Variants in TLL1 observed in about 807,000 individuals in gnomAD.
The protein encoded by TLL1 is tolloid like 1.
A neutral mutation model predicts 128.2 loss-of-function variants in TLL1; 49 were observed. The observed-to-expected ratio is 0.38, with a 90% CI of 0.30 to 0.48. TLL1 has a LOEUF of 0.48. Ranked by LOEUF, TLL1 falls within the 20% of genes least tolerant of loss-of-function variation. The probability of loss-of-function intolerance (pLI) is 0.96; values close to 1 mark genes in which losing one functional copy is unlikely to be tolerated. For synonymous variants in TLL1, 454 were observed against 418.8 expected, an observed-to-expected ratio of 1.08 and a Z score of -1.03; for missense variants, 1,123 against 1,242.0, an observed-to-expected ratio of 0.90 and a Z score of 1.44.
At chr4:166,067,494 A>G (rs530208188) in intron 16 of TLL1, among the ~76,000 whole-genome samples, 6 of 151,858 alleles carry the variant, frequency 4.0e-5, no homozygotes, top group African/African-American at 1.2e-4. Flanking sequence ...CCACATGAGC[A>G]TATATGGTCT....
chr4:165,922,137 T>C (rs1165654328), intron 1 of TLL1, among the ~76,000 whole-genome samples: 1 of 152,132 alleles, frequency 6.6e-6, no homozygotes, highest in Non-Finnish European at 1.5e-5. Context: ...CCAGTTGACC[T>C]ATGCCAAGAA....
chr4:165,890,085 C>T (rs1386404103), intron 1 of TLL1, among the ~76,000 whole-genome samples: 3 of 152,034 alleles, frequency 2.0e-5, no homozygotes, highest in Admixed American at 2.0e-4. Context: ...AAGGAGAAGT[C>T]CAGAGCAAAA....
chr4:166,053,700 A>G (rs1186556447), intron 12 of TLL1, among the ~76,000 whole-genome samples: 2 of 152,176 alleles, frequency 1.3e-5, no homozygotes, highest in Non-Finnish European at 2.9e-5. Flanking sequence ...TTGCAGTTCC[A>G]TGGACATTCC....
At chr4:166,012,611 T>C (rs1012766667) in intron 7 of TLL1, among the ~76,000 whole-genome samples, 1 of 151,720 alleles carries the variant, frequency 6.6e-6, no homozygotes, top group Admixed American at 6.6e-5. Flanking sequence ...TGGGTTTATG[T>C]AATTAATGTA....
intron 14 of TLL1, among the ~76,000 whole-genome samples, chr4:166,057,934 A>G (rs1345386292): frequency 6.6e-6 from 1 of 152,136 alleles, no homozygotes; most frequent in Admixed American, 6.6e-5. Context: ...GACACAGCCA[A>G]ACCATTTCAC....
intron 14 of TLL1, among the ~76,000 whole-genome samples, chr4:166,058,861 A>T (rs977433822): frequency 2.6e-5 from 4 of 152,144 alleles, no homozygotes. Flanking sequence ...AGGGGAAAGA[A>T]TTATTTGCTT....
intron 1 of TLL1, among the ~76,000 whole-genome samples, chr4:165,936,168 ATAAT>A (rs1733748510): frequency 6.7e-6 from 1 of 149,714 alleles, no homozygotes; most frequent in African/African-American, 2.4e-5. Context: ...TATAATTAAA[ATAAT>A]TAGAAATTCA....
At chr4:165,886,156 G>A (rs1731156159) in intron 1 of TLL1, among the ~76,000 whole-genome samples, 1 of 152,002 alleles carries the variant, frequency 6.6e-6, no homozygotes, top group Non-Finnish European at 1.5e-5. Flanking sequence ...AATGAATCTA[G>A]GTAGTGTAAT....
chr4:165,921,680 A>C (rs1024912763), intron 1 of TLL1, among the ~76,000 whole-genome samples: 9 of 152,216 alleles, frequency 5.9e-5, no homozygotes, highest in African/African-American at 1.7e-4. Flanking sequence ...GTTCTAAGCC[A>C]CTGGACCAGA....
intron 17 of TLL1, among the ~76,000 whole-genome samples, chr4:166,077,229 T>TAAAAA (rs34063206): frequency 3.4e-5 from 5 of 145,928 alleles, no homozygotes; most frequent in African/African-American, 1.3e-4. Flanking sequence ...ATTTTAATTG[T>TAAAAA]AAAAAAAAAA....
chr4:165,956,931 C>T (rs1035630152), intron 1 of TLL1, among the ~76,000 whole-genome samples: 7 of 152,066 alleles, frequency 4.6e-5, no homozygotes, highest in South Asian at 4.1e-4. Context: ...CCCACAGACC[C>T]TATAAAGCAG....
At chr4:165,891,605 CA>C (rs1731406279) in intron 1 of TLL1, among the ~76,000 whole-genome samples, 1 of 152,128 alleles carries the variant, frequency 6.6e-6, no homozygotes, top group South Asian at 2.1e-4. Context: ...TATAGCATAG[CA>C]ACAATCACCT....
At chr4:165,988,207 C>T (rs539749903) in intron 1 of TLL1, among the ~76,000 whole-genome samples, 319 of 152,084 alleles carry the variant, frequency 2.1e-3, no homozygotes, top group African/African-American at 3.1e-3. Flanking sequence ...ATATATATGA[C>T]GAACTTTAAA....
chr4:165,996,555 C>T lies in TLL1; in HGVS notation c.632+1377C>T, dbSNP rs374764483. ...CAGAGGTTGCAGTGAGCCGAGATTA[C>T]GCCACTGCACTCCAGCCTGTGCAAC... On this transcript the variant is annotated intron_variant, in intron 5 of 20. Coordinates refer to ENST00000061240, the MANE Select transcript of TLL1 (RefSeq NM_012464.5). 4.2e-4 allele frequency among the ~76,000 whole-genome samples: 64 copies of T among 152,110 alleles called. 1 individual carries two copies. In the South Asian group the frequency reaches 9.5e-3, roughly 23 times the overall value.
chr4:166,050,592 A>G (rs1423961668), intron 12 of TLL1, among the ~76,000 whole-genome samples: 2 of 152,118 alleles, frequency 1.3e-5, no homozygotes, highest in African/African-American at 2.4e-5. Flanking sequence ...AGATACTGCA[A>G]TAGATATTTG....
chr4:165,919,760 G>A (rs1441425374), intron 1 of TLL1: 1 of 453,420 alleles, frequency 2.2e-6, no homozygotes, highest in Non-Finnish European at 4.4e-6. Context: ...AGACGTGGAT[G>A]CAGTATTAGT....
Position 166,057,170 on chromosome 4 carries a change from G to C in TLL1, c.1721-14G>C. On this transcript the variant is annotated splice_polypyrimidine_tract_variant and intron_variant, in intron 13 of 20. Coordinates refer to ENST00000061240, the MANE Select transcript of TLL1 (RefSeq NM_012464.5). ...ATATGTATAGTTGTTCTATAACTAT[G>C]ACCATTTTCATAGAGGAAGATGAGT... 2 of 1,613,508 alleles carry C rather than the reference G, an allele frequency of 1.2e-6. No homozygotes were observed. The highest frequency in any genetic ancestry group is 1.7e-6 in the Non-Finnish European group (2 of 1,179,744).
At chr4:166,024,082 C>A (rs1738374864) in intron 8 of TLL1, among the ~76,000 whole-genome samples, 1 of 152,126 alleles carries the variant, frequency 6.6e-6, no homozygotes, top group African/African-American at 2.4e-5. Flanking sequence ...ATTTATAGAA[C>A]AGTGCCGATT....
At chr4:166,098,160 C>T (rs111312300) in intron 19 of TLL1, among the ~76,000 whole-genome samples, 2 of 151,734 alleles carry the variant, frequency 1.3e-5, no homozygotes, top group African/African-American at 4.8e-5. Flanking sequence ...ATGATGAAAC[C>T]CTGTCTCTAC....
Sources: allele counts gnomAD v4.1 joint callset (sites outside exome capture counted in the v4.1 genomes callset), GRCh38; gene constraint gnomAD v4.1.1; transcripts MANE v1.5; gene names NCBI Gene and HGNC (gene_info 2026-07-23, HGNC 2026-07-21).